The following SLC6A15 variants were observed in gnomAD, a reference collection of about 807,000 sequenced individuals.
SLC6A15 encodes sodium-dependent neutral amino acid transporter B(0)AT2.
SLC6A15 carries 33 observed loss-of-function variants against 68.5 expected under a neutral mutation model. That is an observed-to-expected ratio of 0.48 (90% CI 0.37 to 0.64). The LOEUF (loss-of-function observed/expected upper bound fraction) is 0.64. Among genes scored for constraint, SLC6A15 ranks in the 30% least tolerant of loss-of-function variants. The pLI is 0.00. For missense variants in SLC6A15, 747 were observed against 874.3 expected (o/e 0.85, Z 1.84); for synonymous variants, 347 against 301.0 (o/e 1.15, Z -1.58).
At chr12:84,896,205 G>A (rs1872632037) in intron 1 of SLC6A15, among the ~76,000 whole-genome samples, 1 of 152,134 alleles carries the variant, frequency 6.6e-6, no homozygotes, top group African/African-American at 2.4e-5. Flanking sequence ...TATTTGGTAA[G>A]AGCCTCCTGT....
chr12:84,873,109 T>C lies in SLC6A15; in HGVS notation c.1087A>G (p.Ile363Val), dbSNP rs1238570222. The C allele has an allele frequency of 3.1e-6, 5 of 1,614,004 alleles. No homozygotes were observed. The highest frequency in any genetic ancestry group is 1.3e-5 in the African/African-American group (1 of 74,938). The stretch of plus-strand genomic sequence containing the variant: ...TACTGTGTAATGCATTTCTCATTTA[T>C]GACATTTGCTTTGAAGCCCAGAACT... ...FAVLGFKANV[I>V]NEKCITQNSE... The change falls in exon 7 of 12, where the codon ATA (isoleucine) becomes GTA (valine). Residue 363 changes from isoleucine (I) to valine (V), a missense_variant. Physicochemically the swap from Ile to Val is conservative, Grantham distance 29 (BLOSUM62 3). Coordinates refer to ENST00000266682, the MANE Select transcript of SLC6A15 (RefSeq NM_182767.6).
chr12:84,867,900 T>C (rs1172170648), intron 9 of SLC6A15: 1 of 152,212 alleles, frequency 6.6e-6, no homozygotes, highest in Non-Finnish European at 1.5e-5. Flanking sequence ...GACCAGCTAC[T>C]ACTTAGAAAA....
At chr12:84,882,899 C>T (rs1389473569) in intron 5 of SLC6A15, 3 of 639,314 alleles carry the variant, frequency 4.7e-6, no homozygotes, top group Non-Finnish European at 5.8e-6. Flanking sequence ...TTGTCAGAAA[C>T]ATCTTTATCA....
intron 1 of SLC6A15, among the ~76,000 whole-genome samples, chr12:84,908,036 G>T (rs936466836): frequency 1.3e-5 from 2 of 152,110 alleles, no homozygotes; most frequent in Admixed American, 6.5e-5. Flanking sequence ...GGAGAGCCTG[G>T]GGACTGGAGT....
intron 10 of SLC6A15, among the ~76,000 whole-genome samples, chr12:84,864,595 C>T (rs981577292): frequency 6.6e-6 from 1 of 152,118 alleles, no homozygotes; most frequent in Non-Finnish European, 1.5e-5. Context: ...GTTGGGATTA[C>T]AGGCTTGAGC....
Position 84,861,582 on chromosome 12 carries a change from T to A in SLC6A15, c.*50A>T, listed in dbSNP as rs189587187. ...CTAATGCTTCTCCTACTAGGGCCAA[T>A]GTTCATTGGTAAAAATGAACCAAAT... On this transcript the variant is annotated 3_prime_UTR_variant, in exon 12 of 12. Transcript: ENST00000266682. 1.3e-6 allele frequency: 2 copies of A among 1,541,380 alleles called. No individual in the cohort carries two copies. The highest frequency in any genetic ancestry group is 1.3e-5 in the South Asian group (1 of 79,446).
chr12:84,907,150 C>T (rs1457697217), intron 1 of SLC6A15, among the ~76,000 whole-genome samples: 1 of 151,948 alleles, frequency 6.6e-6, no homozygotes, highest in Non-Finnish European at 1.5e-5. Context: ...GAGATTGAGA[C>T]CATCCTGGCT....
chr12:84,889,520 A>G (rs1872292150), intron 2 of SLC6A15, among the ~76,000 whole-genome samples: 1 of 140,342 alleles, frequency 7.1e-6, no homozygotes, highest in African/African-American at 3.3e-5. Flanking sequence ...AAAAATAAAA[A>G]TAAAAATAAA....
intron 1 of SLC6A15, among the ~76,000 whole-genome samples, chr12:84,905,254 G>A (rs1034162836): frequency 6.6e-6 from 1 of 152,054 alleles, no homozygotes; most frequent in African/African-American, 2.4e-5. Flanking sequence ...TTCAAGGTTG[G>A]TTCAATATTC....
chr12:84,899,056 A>C (rs1349226891), intron 1 of SLC6A15, among the ~76,000 whole-genome samples: 1 of 152,194 alleles, frequency 6.6e-6, no homozygotes, highest in Non-Finnish European at 1.5e-5. Flanking sequence ...CAGCTGGAGC[A>C]CTTTGGTTTG....
At chr12:84,889,216 C>A (rs1383153434) in intron 2 of SLC6A15, among the ~76,000 whole-genome samples, 1 of 152,146 alleles carries the variant, frequency 6.6e-6, no homozygotes, top group Non-Finnish European at 1.5e-5. Context: ...GTTGCCTGGG[C>A]GCGGTGGCTC....
At chr12:84,877,436 TGTC>T (rs1565724219) in intron 5 of SLC6A15, among the ~76,000 whole-genome samples, 1 of 152,134 alleles carries the variant, frequency 6.6e-6, no homozygotes. Flanking sequence ...GAATTTCTAA[TGTC>T]GTTGGAGTGA....
chr12:84,908,729 A>ATGTG (rs1555183596), intron 1 of SLC6A15, among the ~76,000 whole-genome samples: 1 of 151,726 alleles, frequency 6.6e-6, no homozygotes, highest in Non-Finnish European at 1.5e-5. Context: ...GCATATATAT[A>ATGTG]TGTGTGTATA....
At chr12:84,862,145 A>T (rs1194692117) in intron 11 of SLC6A15, 139 bp from the exon 12 acceptor site, 1 of 794,960 alleles carries the variant, frequency 1.3e-6, no homozygotes, top group Non-Finnish European at 1.9e-6. Flanking sequence ...AAGCAGTAGA[A>T]GTGACACTCA....
At chr12:84,904,154 G>A (rs897352203) in intron 1 of SLC6A15, among the ~76,000 whole-genome samples, 7 of 147,902 alleles carry the variant, frequency 4.7e-5, no homozygotes, top group African/African-American at 1.5e-4. Flanking sequence ...TAAAACGTCT[G>A]CTTCTCCTGC....
chr12:84,872,474 G>A, intron 8 of SLC6A15, 128 bp downstream of exon 8: 2 of 578,584 alleles, frequency 3.5e-6, no homozygotes, highest in Non-Finnish European at 5.8e-6. Context: ...TAATGCCCAG[G>A]AGCTTCTCCG....
In SLC6A15 at chr12:84,860,392, A is replaced by C. The variant is rs570610113; in HGVS notation, c.*1240T>G. 6.6e-6 allele frequency: 1 copy of C among 152,208 alleles called. No homozygotes were observed. The highest frequency in any genetic ancestry group is 2.1e-4 in the South Asian group (1 of 4,830). The allele number at this position is 152,208 out of a possible 1,614,324, so 9.4% of individuals were successfully genotyped here. ...ACTTTGCAGACAATATTGAATCAGC[A>C]AGCAGTCAATTGTACACATGGTTTC... On this transcript the variant is annotated 3_prime_UTR_variant, in exon 12 of 12. Coordinates refer to ENST00000266682, the MANE Select transcript of SLC6A15 (RefSeq NM_182767.6).
chr12:84,878,743 C>T (rs1451322158), intron 5 of SLC6A15, among the ~76,000 whole-genome samples: 1 of 152,038 alleles, frequency 6.6e-6, no homozygotes, highest in Non-Finnish European at 1.5e-5. Context: ...GGCTAAAATA[C>T]TCTAATCTAC....
chr12:84,892,038 T>C lies in SLC6A15; in HGVS notation c.83A>G (p.Asp28Gly), dbSNP rs202085887. The C allele has an allele frequency of 1.2e-6, 2 of 1,614,012 alleles. No homozygotes were observed. Among genetic ancestry groups the C allele is most frequent in the East Asian group, 4.5e-5 (2 of 44,854 alleles). Residue 28 changes from aspartate (D) to glycine (G), a missense_variant, in exon 2 of 12, where the codon GAC (aspartate) becomes GGC (glycine). Coordinates refer to ENST00000266682, the MANE Select transcript of SLC6A15 (RefSeq NM_182767.6). ...TGTCTTAAAAGCATCATCAGCTGCG[T>C]CTTCATTGGAAAGAAGGTCTTTGAC... ...ESVKDLLSNE[D>G]AADDAFKTSE...
Sources: allele counts gnomAD v4.1 joint callset (sites outside exome capture counted in the v4.1 genomes callset), GRCh38; gene constraint gnomAD v4.1.1; transcripts MANE v1.5; gene names NCBI Gene and HGNC (gene_info 2026-07-23, HGNC 2026-07-21).